NRXN3: variants seen among roughly 807,000 people sequenced by gnomAD.
NRXN3 encodes neurexin III.
NRXN3 carries 32 observed loss-of-function variants against 137.6 expected under a neutral mutation model. That is an observed-to-expected ratio of 0.23 (90% confidence interval 0.18 to 0.31). The LOEUF is 0.31. Among genes scored for constraint, NRXN3 ranks in the 10% least tolerant of loss-of-function variants. NRXN3 has a pLI of 1.00. For missense variants in NRXN3, 1,574 were observed against 2,062.5 expected, an observed-to-expected ratio of 0.76 and a Z score of 4.59; for synonymous variants, 798 against 784.5, an observed-to-expected ratio of 1.02 and a Z score of -0.29.
intron 4 of NRXN3, among the ~76,000 whole-genome samples, chr14:78,529,104 C>T (rs529091704): frequency 2.6e-5 from 4 of 152,214 alleles, no homozygotes; most frequent in East Asian, 3.9e-4. Context: ...GAGAGACAAA[C>T]GTCAGGAGAT....
intron 16 of NRXN3, among the ~76,000 whole-genome samples, chr14:79,508,809 A>C (rs544497048): frequency 3.6e-4 from 55 of 152,314 alleles, no homozygotes; most frequent in African/African-American, 1.2e-3. Flanking sequence ...CGACCATGAC[A>C]TCCAGTGCTG....
intron 4 of NRXN3, among the ~76,000 whole-genome samples, chr14:78,392,774 A>T (rs1433707675): frequency 6.6e-6 from 1 of 152,148 alleles, no homozygotes; most frequent in African/African-American, 2.4e-5. Flanking sequence ...ATCAATCTGC[A>T]GTGGGTTGTA....
intron 15 of NRXN3, among the ~76,000 whole-genome samples, chr14:79,383,657 C>T (rs1000206021): frequency 4.8e-4 from 73 of 152,106 alleles, no homozygotes; most frequent in African/African-American, 1.6e-3. Context: ...AGGGACCATC[C>T]GAGTAATAAA....
chr14:78,474,890 T>C (rs974990505), intron 4 of NRXN3, among the ~76,000 whole-genome samples: 2 of 152,240 alleles, frequency 1.3e-5, no homozygotes, highest in Admixed American at 6.5e-5. Context: ...CAAATATTAG[T>C]ATCCAGAAGA....
At chr14:79,422,676 C>G (rs2095596341) in intron 15 of NRXN3, among the ~76,000 whole-genome samples, 1 of 149,372 alleles carries the variant, frequency 6.7e-6, no homozygotes, top group Non-Finnish European at 1.5e-5. Flanking sequence ...GCATGCAATT[C>G]TAATACTTCA....
At chr14:78,233,020 A>G (rs1002896711) in intron 1 of NRXN3, among the ~76,000 whole-genome samples, 3 of 152,240 alleles carry the variant, frequency 2.0e-5, no homozygotes, top group Admixed American at 1.3e-4. Context: ...TTCACCCACT[A>G]GAGAACTCAG....
chr14:78,758,720 C>T (rs1595575837), intron 8 of NRXN3, among the ~76,000 whole-genome samples: 1 of 152,162 alleles, frequency 6.6e-6, no homozygotes, highest in Non-Finnish European at 1.5e-5. Flanking sequence ...TTTGAGAATG[C>T]GCTAATGCTT....
chr14:79,637,829 A>C (rs2098413384), intron 16 of NRXN3, among the ~76,000 whole-genome samples: 1 of 144,960 alleles, frequency 6.9e-6, no homozygotes, highest in Non-Finnish European at 1.5e-5. Flanking sequence ...TCCTGGGTTC[A>C]AGCGATTCTC....
chr14:79,046,530 G>C (rs549899408), intron 15 of NRXN3, among the ~76,000 whole-genome samples: 69 of 152,238 alleles, frequency 4.5e-4, no homozygotes, highest in African/African-American at 1.6e-3. Context: ...TCATTTTTCT[G>C]TCAAATCCCT....
chr14:79,458,669 C>G (rs889569931), intron 15 of NRXN3, among the ~76,000 whole-genome samples: 5 of 152,102 alleles, frequency 3.3e-5, no homozygotes, highest in Non-Finnish European at 1.5e-5. Flanking sequence ...TTTTCTTAAG[C>G]CTGAATACTG....
chr14:79,133,865 C>G (rs919492678), intron 15 of NRXN3, among the ~76,000 whole-genome samples: 12 of 149,722 alleles, frequency 8.0e-5, no homozygotes, highest in Admixed American at 2.0e-4. Flanking sequence ...GGAGGTGGAG[C>G]TTGCAGTGAG....
At chr14:79,025,316 C>T (rs2099596249) in intron 15 of NRXN3, among the ~76,000 whole-genome samples, 1 of 152,144 alleles carries the variant, frequency 6.6e-6, no homozygotes, top group Non-Finnish European at 1.5e-5. Flanking sequence ...CACAAGGCTG[C>T]CATCTTACTG....
intron 4 of NRXN3, among the ~76,000 whole-genome samples, chr14:78,344,454 A>G (rs753090541): frequency 5.9e-5 from 9 of 152,210 alleles, no homozygotes; most frequent in Non-Finnish European, 1.0e-4. Flanking sequence ...CTTTATTAAA[A>G]TTCCTCTGGG....
intron 10 of NRXN3, among the ~76,000 whole-genome samples, chr14:78,811,369 A>AAG (rs138202384): frequency 1.5e-4 from 22 of 149,384 alleles, no homozygotes; most frequent in Admixed American, 4.0e-4. Context: ...ATCCGTAGGG[A>AAG]AGAGAGAGAG....
chr14:78,512,676 A>G (rs919912610), intron 4 of NRXN3, among the ~76,000 whole-genome samples: 1 of 152,168 alleles, frequency 6.6e-6, no homozygotes, highest in Non-Finnish European at 1.5e-5. Context: ...TGTTTCTCAC[A>G]GGAAGATAGA....
intron 4 of NRXN3, among the ~76,000 whole-genome samples, chr14:78,640,766 A>G (rs2097618632): frequency 1.3e-5 from 2 of 152,232 alleles, no homozygotes; most frequent in Non-Finnish European, 1.5e-5. Flanking sequence ...TTGGACACTT[A>G]CAAATAATGG....
At chr14:78,752,893 C>A (rs561103924) in intron 8 of NRXN3, among the ~76,000 whole-genome samples, 10 of 152,320 alleles carry the variant, frequency 6.6e-5, no homozygotes, top group African/African-American at 2.4e-4. Flanking sequence ...ACAGAGAATT[C>A]TGAGCAGGAG....
intron 10 of NRXN3, among the ~76,000 whole-genome samples, chr14:78,824,411 A>G (rs1320423110): frequency 2.6e-5 from 4 of 152,160 alleles, no homozygotes; most frequent in Non-Finnish European, 5.9e-5. Context: ...GAAATGCACT[A>G]TTCATCATTG....
intron 4 of NRXN3, among the ~76,000 whole-genome samples, chr14:78,636,978 T>C (rs71414705): frequency 0.019 from 2,834 of 152,246 alleles, 55 homozygotes; most frequent in Non-Finnish European, 0.027. Flanking sequence ...TGTTTTTTTT[T>C]ATTTTTTATT....
Sources: allele counts gnomAD v4.1 joint callset (sites outside exome capture counted in the v4.1 genomes callset), GRCh38; gene constraint gnomAD v4.1.1; transcripts MANE v1.5; gene names NCBI Gene and HGNC (gene_info 2026-07-23, HGNC 2026-07-21).